The following PJA2 variants were observed in gnomAD, a reference collection of about 807,000 sequenced individuals.
PJA2 encodes praja ring finger ubiquitin ligase 2, also known as E3 ubiquitin-protein ligase Praja-2.
PJA2 carries 25 observed loss-of-function variants against 69.3 expected under a neutral mutation model. That is an observed-to-expected ratio of 0.36 (90% CI 0.26 to 0.50). PJA2 has a LOEUF of 0.50. Among genes scored for constraint, PJA2 ranks in the 20% least tolerant of loss-of-function variants. PJA2 has a pLI of 0.96. For synonymous variants in PJA2, 308 were observed against 277.8 expected, an observed-to-expected ratio of 1.11 and a Z score of -1.08; for missense variants, 809 against 830.2, an observed-to-expected ratio of 0.97 and a Z score of 0.31.
At chr5:109,368,271 C>T (rs1762618745) in intron 5 of PJA2, among the ~76,000 whole-genome samples, 1 of 152,202 alleles carries the variant, frequency 6.6e-6, no homozygotes, top group Admixed American at 6.5e-5. Flanking sequence ...AATGACAGTG[C>T]TAATTCACCC....
In PJA2 at chr5:109,335,107, A is replaced by C. The variant is rs190948425; in HGVS notation, c.*2124T>G. The C allele has an allele frequency of 3.9e-5, 6 of 152,792 alleles. No homozygotes were observed. The highest frequency in any genetic ancestry group is 4.1e-4 in the South Asian group (2 of 4,830). The allele number at this position is 152,792 out of a possible 1,614,324, so 9.5% of individuals were successfully genotyped here. On this transcript the variant is annotated 3_prime_UTR_variant, in exon 10 of 10. Transcript: ENST00000361189. ...AGTCTTAACTTTTTCAAAAGGATCCAAGATATGATCAAATAATATTTTAGT... is the reference window on the plus strand; with the variant it reads ...AGTCTTAACTTTTTCAAAAGGATCCCAGATATGATCAAATAATATTTTAGT...
rs878985908 is a variant in PJA2 at position 109,378,115 on chromosome 5, TA to T, written c.1283+88del. ...GTCAAAATGTCTAATTCCCTGATCA[TA>T]TCAAATAGCCCAGCCATCAAACATG... On this transcript the variant is annotated intron_variant, in intron 4 of 9. Transcript: ENST00000361189. The T allele has an allele frequency of 1.3e-4, 123 of 921,736 alleles. 1 individual carries two copies. In the South Asian group the frequency reaches 2.0e-3, roughly 15 times the overall value. The allele number at this position is 921,736 out of a possible 1,614,324, so 57.1% of individuals were successfully genotyped here.
At chr5:109,400,804 C>T (rs1747525653) in intron 1 of PJA2, among the ~76,000 whole-genome samples, 2 of 151,848 alleles carry the variant, frequency 1.3e-5, no homozygotes, top group South Asian at 4.2e-4. Context: ...ATGGTGAAAC[C>T]CCGTCTCTAC....
chr5:109,354,188 TATG>T lies in PJA2; in HGVS notation c.1764+1724_1764+1726del, dbSNP rs1304723900. 2.2e-4 allele frequency among the ~76,000 whole-genome samples: 32 copies of T among 143,240 alleles called. 3 individuals carry two copies. The highest frequency in any genetic ancestry group is 1.5e-3 in the Admixed American group (22 of 14,514). The allele number at this position is 143,240 out of a possible 152,430, so 94.0% of individuals were successfully genotyped here. On this transcript the variant is annotated intron_variant, in intron 7 of 9. Transcript: ENST00000361189. ...TAGAGATGTCTATAGATTAGATATCTATGATATCTAGAGATATCTATAGATTAG... is the reference window on the plus strand; with the variant it reads ...TAGAGATGTCTATAGATTAGATATCTATATCTAGAGATATCTATAGATTAG...
chr5:109,386,672 A>G (rs1259682471), intron 1 of PJA2, among the ~76,000 whole-genome samples: 1 of 151,850 alleles, frequency 6.6e-6, no homozygotes, highest in African/African-American at 2.4e-5. Flanking sequence ...TTACTGGAAG[A>G]TCCTCAAATA....
At chr5:109,394,132 C>A (rs2127014393) in intron 1 of PJA2, among the ~76,000 whole-genome samples, 1 of 140,256 alleles carries the variant, frequency 7.1e-6, no homozygotes, top group East Asian at 2.0e-4. Context: ...ACTGCAACAT[C>A]CGCCTCCTGG....
chr5:109,397,007 G>T (rs1480412907), intron 1 of PJA2, among the ~76,000 whole-genome samples: 1 of 152,126 alleles, frequency 6.6e-6, no homozygotes, highest in African/African-American at 2.4e-5. Context: ...TAAAAGGTGG[G>T]GTCTTTTGAA....
At chr5:109,355,243 C>G (rs907217460) in intron 7 of PJA2, among the ~76,000 whole-genome samples, 2 of 152,146 alleles carry the variant, frequency 1.3e-5, no homozygotes, top group African/African-American at 4.8e-5. Flanking sequence ...GGCTCATTCA[C>G]CAGTCATTTC....
rs35779470 is a variant in PJA2, at chr5:109,351,116, T to TAA, written c.1764+4797_1764+4798dup. ...TTTGGGTGGCTTCCAATCCTTTGCT[T>TAA]AAAAAAAAAAAAAAAACGGAAGGAA... On this transcript the variant is annotated intron_variant, in intron 7 of 9. Transcript: ENST00000361189. Among the ~76,000 whole-genome samples the TAA allele has an allele frequency of 5.6e-3, 772 of 138,074 alleles. 8 individuals are homozygous for TAA. Among genetic ancestry groups the TAA allele is most frequent in the South Asian group, 0.018 (78 of 4,310 alleles). The allele number at this position is 138,074 out of a possible 152,430, so 90.6% of individuals were successfully genotyped here. A position where few individuals can be genotyped will look rare whatever the true frequency, so the allele number is the denominator to read the frequency against.
intron 5 of PJA2, among the ~76,000 whole-genome samples, chr5:109,368,190 CAACT>C (rs577980517): frequency 1.6e-3 from 251 of 152,306 alleles, no homozygotes; most frequent in Non-Finnish European, 3.0e-3. Context: ...CTAGCTTTTG[CAACT>C]AACTGTCTCC....
At chr5:109,337,388 G>T in intron 9 of PJA2, 32 bp from the exon 10 acceptor site, 2 of 1,552,804 alleles carry the variant, frequency 1.3e-6, no homozygotes, top group Middle Eastern at 1.7e-4. Flanking sequence ...AGAGCCACCA[G>T]AATCATCTTA....
intron 7 of PJA2, among the ~76,000 whole-genome samples, chr5:109,348,799 G>C (rs1372133129): frequency 6.6e-6 from 1 of 152,204 alleles, no homozygotes; most frequent in Non-Finnish European, 1.5e-5. Flanking sequence ...ATGGAAGAAA[G>C]AAGTTATAGC....
intron 1 of PJA2, among the ~76,000 whole-genome samples, chr5:109,391,252 A>C (rs1747275380): frequency 6.6e-6 from 1 of 152,100 alleles, no homozygotes; most frequent in South Asian, 2.1e-4. Flanking sequence ...AGCCCCACCA[A>C]ACATTATCAA....
At chr5:109,343,858 G>C (rs1355003886) in intron 9 of PJA2, among the ~76,000 whole-genome samples, 5 of 152,172 alleles carry the variant, frequency 3.3e-5, no homozygotes, top group Non-Finnish European at 7.3e-5. Context: ...CACTTTGGGA[G>C]GCTGAGGCAG....
intron 2 of PJA2, among the ~76,000 whole-genome samples, chr5:109,383,133 A>G (rs1747088332): frequency 6.6e-6 from 1 of 152,208 alleles, no homozygotes; most frequent in Non-Finnish European, 1.5e-5. Flanking sequence ...TCCAGAACCA[A>G]TGCCCTTAAC....
At chr5:109,392,331 C>A (rs1029666425) in intron 1 of PJA2, among the ~76,000 whole-genome samples, 2 of 119,312 alleles carry the variant, frequency 1.7e-5, no homozygotes, top group African/African-American at 2.5e-5. Context: ...GAAGCCGAGG[C>A]GGGTGGATCA....
chr5:109,337,152 T>C lies in PJA2; in HGVS notation c.*79A>G, dbSNP rs1262651467. On this transcript the variant is annotated 3_prime_UTR_variant, in exon 10 of 10. Transcript: ENST00000361189. ...TATAGCATTTTTAAATATATTTATATATAATTATTTGCACATGAAATTTAG... is the reference window on the plus strand; with the variant it reads ...TATAGCATTTTTAAATATATTTATACATAATTATTTGCACATGAAATTTAG... 1 of 1,330,204 alleles carries C rather than the reference T, an allele frequency of 7.5e-7. No homozygotes were observed. The allele number at this position is 1,330,204 out of a possible 1,614,324, so 82.4% of individuals were successfully genotyped here. A position where few individuals can be genotyped will look rare whatever the true frequency, so the allele number is the denominator to read the frequency against.
Position 109,353,262 on chromosome 5 carries a change from T to G in PJA2, c.1764+2653A>C, listed in dbSNP as rs932096933. ...ATAATATCTATAGATATCTATATAT[T>G]AGATACCTATAATATCATAGACATC... On this transcript the variant is annotated intron_variant, in intron 7 of 9. Transcript: ENST00000361189. Among the ~76,000 whole-genome samples the G allele has an allele frequency of 2.6e-4, 37 of 141,760 alleles. No individual in the cohort carries two copies. The South Asian group carries it at 8.5e-3, about 32-fold the overall frequency. 93.0% of individuals were successfully genotyped at this position (141,760 alleles called of 152,430 possible).
At chr5:109,344,127 A>T in intron 9 of PJA2, 63 bp downstream of exon 9, 1 of 937,114 alleles carries the variant, frequency 1.1e-6, no homozygotes, top group Non-Finnish European at 1.5e-6. Context: ...AAAAGATACT[A>T]TTATTCACTT....
Sources: allele counts gnomAD v4.1 joint callset (sites outside exome capture counted in the v4.1 genomes callset), GRCh38; gene constraint gnomAD v4.1.1; transcripts MANE v1.5; gene names NCBI Gene and HGNC (gene_info 2026-07-23, HGNC 2026-07-21).